Variants in TENM3 observed in about 807,000 individuals in gnomAD.
TENM3 encodes the protein teneurin-3.
Under a neutral mutation model 255.1 loss-of-function variants are expected in TENM3, and 63 were observed. The ratio of observed to expected loss-of-function variants is 0.25; its 90% CI spans 0.20 to 0.30. TENM3 has a LOEUF of 0.30. Ranked by LOEUF, TENM3 falls within the 10% of genes least tolerant of loss-of-function variation. TENM3 has a pLI of 1.00. For missense variants in TENM3, 2,929 were observed against 3,461.1 expected (o/e 0.85, Z 3.86); for synonymous variants, 1,306 against 1,322.3 (o/e 0.99, Z 0.27).
At chr4:182,529,973 A>G (rs531677252) in intron 3 of TENM3, among the ~76,000 whole-genome samples, 1 of 152,284 alleles carries the variant, frequency 6.6e-6, no homozygotes, top group African/African-American at 2.4e-5. Context: ...AGCTGGTTTG[A>G]GTATATATGT....
intron 1 of TENM3, among the ~76,000 whole-genome samples, chr4:182,199,720 CTTTTTTTT>C (rs367906246): frequency 8.6e-5 from 9 of 104,838 alleles, no homozygotes; most frequent in Admixed American, 3.5e-4. Context: ...AACATCATTG[CTTTTTTTT>C]TTTTTTTTTT....
At chr4:181,564,585 C>T in the TENM3 span, among the ~76,000 whole-genome samples, 1 of 152,166 alleles carries the variant, frequency 6.6e-6, no homozygotes, top group Non-Finnish European at 1.5e-5. Context: ...GTGTATGGAA[C>T]TTACAACCCA....
chr4:182,632,887 A>G (rs1217662101), intron 5 of TENM3, among the ~76,000 whole-genome samples: 2 of 151,910 alleles, frequency 1.3e-5, no homozygotes, highest in African/African-American at 2.4e-5. Context: ...TCTAGCTTTC[A>G]TGCCATACTT....
chr4:182,236,870 C>T (rs1439666233), intron 1 of TENM3, among the ~76,000 whole-genome samples: 2 of 152,206 alleles, frequency 1.3e-5, no homozygotes, highest in Non-Finnish European at 2.9e-5. Flanking sequence ...CTGGGATACA[C>T]ATGCAGGACA....
At chr4:182,608,556 G>C (rs1182194443) in intron 4 of TENM3, among the ~76,000 whole-genome samples, 1 of 152,218 alleles carries the variant, frequency 6.6e-6, no homozygotes, top group African/African-American at 2.4e-5. Flanking sequence ...GAGGAGGGCT[G>C]TCTCCTTTTT....
At chr4:182,067,775 A>G in the TENM3 span, among the ~76,000 whole-genome samples, 1 of 152,178 alleles carries the variant, frequency 6.6e-6, no homozygotes, top group Non-Finnish European at 1.5e-5. Flanking sequence ...TCTCTGCAGT[A>G]TAGGATGATT....
At chr4:182,482,548 A>C (rs1236328681) in intron 3 of TENM3, among the ~76,000 whole-genome samples, 1 of 152,224 alleles carries the variant, frequency 6.6e-6, no homozygotes, top group African/African-American at 2.4e-5. Flanking sequence ...TCTTCACTGC[A>C]CTGTAGGTTA....
the TENM3 span, among the ~76,000 whole-genome samples, chr4:181,600,721 C>T: frequency 1.3e-5 from 2 of 151,868 alleles, no homozygotes; most frequent in Non-Finnish European, 2.9e-5. Context: ...GACACACACC[C>T]ACTCTCTCAC....
At chr4:182,763,537 A>T (rs951626649) in intron 22 of TENM3, among the ~76,000 whole-genome samples, 1 of 149,834 alleles carries the variant, frequency 6.7e-6, no homozygotes, top group African/African-American at 2.4e-5. Flanking sequence ...CCTGGGCGAC[A>T]GAGTGAGACT....
At chr4:182,074,738 A>G in the TENM3 span, among the ~76,000 whole-genome samples, 2 of 152,180 alleles carry the variant, frequency 1.3e-5, no homozygotes, top group Non-Finnish European at 2.9e-5. Flanking sequence ...AGATGTCACA[A>G]TAGAATTAAA....
At chr4:181,796,710 G>A in the TENM3 span, among the ~76,000 whole-genome samples, 1 of 152,176 alleles carries the variant, frequency 6.6e-6, no homozygotes, top group Non-Finnish European at 1.5e-5. Flanking sequence ...TAGACACTCA[G>A]CAGGAGCGAG....
chr4:182,755,290 A>T, intron 22 of TENM3, 31 bp downstream of exon 22: 1 of 1,482,768 alleles, frequency 6.7e-7, no homozygotes, highest in Non-Finnish European at 9.0e-7. Context: ...CTCTGATTAT[A>T]AAATACTGTG....
At chr4:181,483,696 A>G in the TENM3 span, among the ~76,000 whole-genome samples, 1 of 152,154 alleles carries the variant, frequency 6.6e-6, no homozygotes, top group Non-Finnish European at 1.5e-5. Flanking sequence ...CCAACTTAAA[A>G]TGCCAGGGTA....
the TENM3 span, among the ~76,000 whole-genome samples, chr4:181,842,120 C>A: frequency 2.6e-5 from 4 of 152,072 alleles, no homozygotes; most frequent in East Asian, 3.9e-4. Flanking sequence ...AGCATTGTTA[C>A]TAAATAAATT....
At chr4:181,604,350 A>AAAAGC in the TENM3 span, among the ~76,000 whole-genome samples, 2 of 152,230 alleles carry the variant, frequency 1.3e-5, no homozygotes, top group African/African-American at 4.8e-5. Context: ...ATAGGCACTC[A>AAAAGC]AAAGCAAAAC....
chr4:181,538,308 T>C, the TENM3 span, among the ~76,000 whole-genome samples: 16 of 152,154 alleles, frequency 1.1e-4, no homozygotes, highest in South Asian at 1.0e-3. Flanking sequence ...CCTTCATTCT[T>C]TTACTCACTT....
chr4:182,466,994 A>G (rs1425618979), intron 3 of TENM3, among the ~76,000 whole-genome samples: 1 of 152,104 alleles, frequency 6.6e-6, no homozygotes, highest in Non-Finnish European at 1.5e-5. Flanking sequence ...AGAGTCTCAC[A>G]TTATGGGAAG....
At chr4:181,536,771 A>G in the TENM3 span, among the ~76,000 whole-genome samples, 1 of 152,256 alleles carries the variant, frequency 6.6e-6, no homozygotes, top group Non-Finnish European at 1.5e-5. Context: ...TCTAGTGTGC[A>G]GAATTATTCA....
At chr4:181,786,563 A>C in the TENM3 span, among the ~76,000 whole-genome samples, 1 of 152,030 alleles carries the variant, frequency 6.6e-6, no homozygotes, top group African/African-American at 2.4e-5. Context: ...AATCTCTTGG[A>C]GTTGCCCTCA....
Sources: allele counts gnomAD v4.1 joint callset (sites outside exome capture counted in the v4.1 genomes callset), GRCh38; gene constraint gnomAD v4.1.1; transcripts MANE v1.5; gene names NCBI Gene and HGNC (gene_info 2026-07-23, HGNC 2026-07-21).